The following LRMDA variants were observed in gnomAD, a reference collection of about 807,000 sequenced individuals.
LRMDA encodes leucine-rich melanocyte differentiation-associated protein.
In LRMDA, 18 loss-of-function variants were observed where a neutral mutation model predicts 29.8. The observed-to-expected ratio is 0.60, with a 90% CI of 0.42 to 0.90. The LOEUF (loss-of-function observed/expected upper bound fraction) is 0.90. Among genes scored for constraint, LRMDA ranks in the 40% least tolerant of loss-of-function variants. LRMDA has a pLI of 0.00. For synonymous variants in LRMDA, 125 were observed against 109.4 expected (o/e 1.14, Z -0.89); for missense variants, 273 against 273.9 (o/e 1.00, Z 0.02).
intron 5 of LRMDA, among the ~76,000 whole-genome samples, chr10:76,217,104 A>C (rs1224898562): frequency 6.6e-6 from 1 of 152,208 alleles, no homozygotes; most frequent in Non-Finnish European, 1.5e-5. Context: ...GAAAAGGAAA[A>C]ATTTTAAAAT....
intron 5 of LRMDA, among the ~76,000 whole-genome samples, chr10:76,231,086 G>C (rs1411196861): frequency 1.3e-5 from 2 of 151,894 alleles, no homozygotes; most frequent in East Asian, 1.9e-4. Context: ...AGCTGCCTCC[G>C]AGCAAAGGCA....
chr10:75,505,930 A>G (rs1473706576), intron 2 of LRMDA, among the ~76,000 whole-genome samples: 1 of 152,174 alleles, frequency 6.6e-6, no homozygotes, highest in Non-Finnish European at 1.5e-5. Context: ...TATGGGCCAT[A>G]TTAACTCTCC....
chr10:76,063,824 T>C (rs994409130), intron 5 of LRMDA, among the ~76,000 whole-genome samples: 4 of 152,122 alleles, frequency 2.6e-5, no homozygotes, highest in African/African-American at 9.7e-5. Flanking sequence ...TCCATCTGTG[T>C]CTGTGTTTTT....
At chr10:75,600,179 A>T (rs924877826) in intron 2 of LRMDA, among the ~76,000 whole-genome samples, 1 of 151,998 alleles carries the variant, frequency 6.6e-6, no homozygotes, top group Non-Finnish European at 1.5e-5. Flanking sequence ...TTTCCCCCCA[A>T]GTAAGTCTGT....
At chr10:76,452,880 A>T (rs1330947477) in intron 6 of LRMDA, among the ~76,000 whole-genome samples, 3 of 152,190 alleles carry the variant, frequency 2.0e-5, no homozygotes, top group Non-Finnish European at 4.4e-5. Context: ...TAGGATTCCA[A>T]ATTCCTAGTA....
chr10:76,010,088 G>A (rs539124675), intron 2 of LRMDA, among the ~76,000 whole-genome samples: 8 of 152,002 alleles, frequency 5.3e-5, no homozygotes, highest in Non-Finnish European at 1.0e-4. Context: ...GCCTTTTCTC[G>A]CACAACAGTC....
At position 75,717,677 on chromosome 10, in the gene LRMDA, T is replaced by C. The variant is rs141620784; in HGVS notation, c.131+279183T>C. On this transcript the variant is annotated intron_variant, in intron 2 of 6. Coordinates refer to ENST00000611255, the MANE Select transcript of LRMDA (RefSeq NM_001305581.2). Reference sequence around the variant, plus strand: ...ACTTCAGCTACCTCATTAATGTCCCTGCACAAGCTGCAGTTGCTGCCTTCC... The same window carrying C: ...ACTTCAGCTACCTCATTAATGTCCCCGCACAAGCTGCAGTTGCTGCCTTCC... Among the ~76,000 whole-genome samples, 637 of 152,318 alleles carry C rather than the reference T, an allele frequency of 4.2e-3. 7 individuals carry two copies. The highest frequency in any genetic ancestry group is 0.014 in the African/African-American group (599 of 41,562).
intron 2 of LRMDA, among the ~76,000 whole-genome samples, chr10:75,936,502 A>G (rs1846296171): frequency 6.6e-6 from 1 of 152,134 alleles, no homozygotes; most frequent in African/African-American, 2.4e-5. Context: ...CATATCTCAC[A>G]TATTTACCCG....
At chr10:76,484,702 A>G (rs1842764522) in intron 6 of LRMDA, among the ~76,000 whole-genome samples, 1 of 151,988 alleles carries the variant, frequency 6.6e-6, no homozygotes, top group Non-Finnish European at 1.5e-5. Flanking sequence ...ATCTATATAG[A>G]CAATCATGTC....
intron 6 of LRMDA, among the ~76,000 whole-genome samples, chr10:76,415,216 T>C (rs953696074): frequency 6.6e-6 from 1 of 152,230 alleles, no homozygotes; most frequent in Non-Finnish European, 1.5e-5. Flanking sequence ...TGCTCCTTTT[T>C]GGACTTCCTA....
At chr10:76,319,073 A>G (rs1840736701) in intron 5 of LRMDA, 1 of 152,134 alleles carries the variant, frequency 6.6e-6, no homozygotes, top group Non-Finnish European at 1.5e-5. Context: ...CCATGCCTGG[A>G]GAAGTTTTTG....
chr10:75,725,089 A>G (rs1020997727), intron 2 of LRMDA, among the ~76,000 whole-genome samples: 4 of 152,216 alleles, frequency 2.6e-5, no homozygotes, highest in Non-Finnish European at 5.9e-5. Context: ...GGTTATCTGT[A>G]CAGGTATTTC....
chr10:75,802,816 T>G (rs1284220309), intron 2 of LRMDA, among the ~76,000 whole-genome samples: 1 of 152,074 alleles, frequency 6.6e-6, no homozygotes, highest in Non-Finnish European at 1.5e-5. Flanking sequence ...AATTATAAGT[T>G]AAATAAACAC....
chr10:75,473,027 T>C (rs935018842), intron 2 of LRMDA, among the ~76,000 whole-genome samples: 3 of 152,192 alleles, frequency 2.0e-5, no homozygotes, highest in Non-Finnish European at 2.9e-5. Context: ...TTACCTAGCA[T>C]GGGGTTTGGT....
chr10:75,804,629 T>C (rs1843815884), intron 2 of LRMDA, among the ~76,000 whole-genome samples: 1 of 152,232 alleles, frequency 6.6e-6, no homozygotes, highest in Non-Finnish European at 1.5e-5. Context: ...TGCATTGTGG[T>C]CAGAGCTTCA....
chr10:75,691,272 A>G lies in LRMDA; in HGVS notation c.131+252778A>G, dbSNP rs79082812. Among the ~76,000 whole-genome samples the G allele has an allele frequency of 7.6e-3, 1,134 of 148,506 alleles. 10 individuals are homozygous for G. Among genetic ancestry groups the G allele is most frequent in the Non-Finnish European group, 0.011 (742 of 67,148 alleles). ...TATGTATGTATATGTGTATATATAT[A>G]TATATATCTTTTTCTGGTCTTGTGC... is the stretch of plus-strand genomic sequence containing the variant. On this transcript the variant is annotated intron_variant, in intron 2 of 6. Transcript: ENST00000611255.
intron 2 of LRMDA, among the ~76,000 whole-genome samples, chr10:75,646,755 T>A (rs978083622): frequency 1.3e-5 from 2 of 152,196 alleles, no homozygotes; most frequent in East Asian, 3.9e-4. Flanking sequence ...ATGATTGTTA[T>A]GATAAACAGA....
At chr10:76,534,520 T>A (rs1245973001) in intron 6 of LRMDA, among the ~76,000 whole-genome samples, 1 of 152,238 alleles carries the variant, frequency 6.6e-6, no homozygotes, top group Non-Finnish European at 1.5e-5. Context: ...AAATTGCCTG[T>A]ATTGGCCTTT....
chr10:75,438,296 C>A, intron 1 of LRMDA, 98 bp from the exon 2 acceptor site: 1 of 948,094 alleles, frequency 1.1e-6, no homozygotes, highest in Non-Finnish European at 1.7e-6. Context: ...ACATGTGTTT[C>A]AAGTTGCAGA....
Sources: allele counts gnomAD v4.1 joint callset (sites outside exome capture counted in the v4.1 genomes callset), GRCh38; gene constraint gnomAD v4.1.1; transcripts MANE v1.5; gene names NCBI Gene and HGNC (gene_info 2026-07-23, HGNC 2026-07-21).